Variants in FAM107B observed in about 807,000 individuals in gnomAD.
FAM107B encodes protein FAM107B.
A neutral mutation model predicts 31.5 loss-of-function variants in FAM107B; 21 were observed. The ratio of observed to expected loss-of-function variants is 0.67; its 90% CI spans 0.47 to 0.96. FAM107B has a LOEUF of 0.96. FAM107B is among the 40% of genes least tolerant of loss of function. FAM107B has a pLI of 0.00. For synonymous variants in FAM107B, 157 were observed against 141.5 expected (o/e 1.11, Z -0.78); for missense variants, 452 against 377.1 (o/e 1.20, Z -1.64).
intron 3 of FAM107B, among the ~76,000 whole-genome samples, chr10:14,528,210 T>A (rs1342064026): frequency 1.4e-5 from 2 of 141,528 alleles, no homozygotes; most frequent in African/African-American, 5.5e-5. Flanking sequence ...GAGACAGAGT[T>A]TTGCTCTGTC....
At position 14,724,688 on chromosome 10, in the gene FAM107B, G is replaced by GA. The variant is rs370850763; in HGVS notation, c.411+49564dup. On this transcript the variant is annotated intron_variant, in intron 1 of 4. Transcript: ENST00000181796. ...GCTTAGACCAGAACCATCCCAGAAG[G>GA]AAAAAAAAAAACAACACCTAAACAT... Among the ~76,000 whole-genome samples, 680 of 142,368 alleles carry GA rather than the reference G, an allele frequency of 4.8e-3. 14 individuals carry two copies. In the East Asian group the frequency reaches 0.05, roughly 11 times the overall value. 93.4% of individuals were successfully genotyped at this position (142,368 alleles called of 152,430 possible). A position where few individuals can be genotyped will look rare whatever the true frequency, so the allele number is the denominator to read the frequency against.
At chr10:14,692,220 G>A (rs1426883796) in intron 1 of FAM107B, among the ~76,000 whole-genome samples, 2 of 152,124 alleles carry the variant, frequency 1.3e-5, no homozygotes, top group Admixed American at 1.3e-4. Flanking sequence ...TGGAAAGAAA[G>A]GAGAAGGGAC....
rs937775551 is a variant in FAM107B, at chr10:14,519,696, T to A, written c.*1494A>T. ...AACTGCTAACACTAAAGCATTCCCA[T>A]AGAAAGCTAATTTCTACTGTGCTAA... On this transcript the variant is annotated 3_prime_UTR_variant, in exon 5 of 5. Transcript: ENST00000181796. 2.0e-5 allele frequency: 3 copies of A among 152,184 alleles called. No homozygotes were observed. The highest frequency in any genetic ancestry group is 7.2e-5 in the African/African-American group (3 of 41,450). 9.4% of individuals were successfully genotyped at this position (152,184 alleles called of 1,614,324 possible). A position where few individuals can be genotyped will look rare whatever the true frequency, so the allele number is the denominator to read the frequency against.
chr10:14,770,975 TAAAAAAAA>T (rs56378196), intron 1 of FAM107B, among the ~76,000 whole-genome samples: 3,867 of 59,132 alleles, frequency 0.065, 160 homozygotes, highest in African/African-American at 0.17. Context: ...GAGGCTGAAC[TAAAAAAAA>T]AAAAAAAAAA....
chr10:14,558,467 A>G (rs1172086577), intron 2 of FAM107B, among the ~76,000 whole-genome samples: 2 of 152,234 alleles, frequency 1.3e-5, no homozygotes, highest in African/African-American at 2.4e-5. Flanking sequence ...TAACTTATTC[A>G]CAAAGCACCG....
chr10:14,560,232 C>T (rs919465906), intron 2 of FAM107B, among the ~76,000 whole-genome samples: 1 of 151,856 alleles, frequency 6.6e-6, no homozygotes, highest in African/African-American at 2.4e-5. Flanking sequence ...TTTTCTTTCC[C>T]ATTTGGAACA....
chr10:14,642,256 C>G lies in FAM107B; in HGVS notation c.469+25378G>C, dbSNP rs1750147663. ...GGGTGGAAGCATCACTCCAATAGCT[C>G]CAGGCAGGGGCCCTGCCCCTGTGGT... is the stretch of plus-strand genomic sequence containing the variant. On this transcript the variant is annotated intron_variant, in intron 2 of 4. Transcript: ENST00000181796. Among the ~76,000 whole-genome samples, 5 of 152,224 alleles carry G rather than the reference C, an allele frequency of 3.3e-5. No homozygotes were observed. The South Asian group carries it at 1.0e-3, about 32-fold the overall frequency.
At chr10:14,607,108 C>T (rs1852613945) in intron 2 of FAM107B, among the ~76,000 whole-genome samples, 1 of 152,188 alleles carries the variant, frequency 6.6e-6, no homozygotes, top group African/African-American at 2.4e-5. Context: ...TGATAAGTGA[C>T]CACGGTCTTT....
At chr10:14,535,949 C>T (rs1196866256) in intron 2 of FAM107B, among the ~76,000 whole-genome samples, 2 of 152,144 alleles carry the variant, frequency 1.3e-5, no homozygotes, top group African/African-American at 2.4e-5. Context: ...AAGTTCACTC[C>T]GGGCCCAGCT....
chr10:14,750,504 C>T (rs1241713446), intron 1 of FAM107B, among the ~76,000 whole-genome samples: 1 of 152,060 alleles, frequency 6.6e-6, no homozygotes, highest in Non-Finnish European at 1.5e-5. Flanking sequence ...CCCAGCTACT[C>T]GGGAGCCTGA....
intron 1 of FAM107B, among the ~76,000 whole-genome samples, chr10:14,720,356 T>G (rs1316824797): frequency 6.6e-6 from 1 of 152,178 alleles, no homozygotes; most frequent in Non-Finnish European, 1.5e-5. Context: ...CGTGTTCAAG[T>G]GATTCTCCTG....
chr10:14,643,420 T>C (rs922609741), intron 2 of FAM107B, among the ~76,000 whole-genome samples: 3 of 151,764 alleles, frequency 2.0e-5, no homozygotes, highest in Non-Finnish European at 4.4e-5. Flanking sequence ...ATTTTTTTTT[T>C]TTTTTTTGAG....
chr10:14,683,457 G>T (rs1484575220), intron 1 of FAM107B, among the ~76,000 whole-genome samples: 3 of 152,212 alleles, frequency 2.0e-5, no homozygotes, highest in African/African-American at 4.8e-5. Context: ...TCGTTGCACG[G>T]TGGAAATTTC....
Position 14,751,827 on chromosome 10 carries a change from C to T in FAM107B, c.411+22426G>A, listed in dbSNP as rs575602522. 2.6e-4 allele frequency among the ~76,000 whole-genome samples: 39 copies of T among 152,062 alleles called. No individual in the cohort carries two copies. In the East Asian group the frequency reaches 3.1e-3, roughly 12 times the overall value. ...CCAGGCTGCTGAGAGAAGGTTGTAACGCACCGAGACTGAAGCCCAGGCCTG... is the reference window on the plus strand; with the variant it reads ...CCAGGCTGCTGAGAGAAGGTTGTAATGCACCGAGACTGAAGCCCAGGCCTG... On this transcript the variant is annotated intron_variant, in intron 1 of 4. Transcript: ENST00000181796.
intron 2 of FAM107B, among the ~76,000 whole-genome samples, chr10:14,631,085 CT>C (rs1853342963): frequency 6.6e-6 from 1 of 152,276 alleles, no homozygotes; most frequent in East Asian, 1.9e-4. Context: ...TTCTATTGTA[CT>C]GATCATTACA....
At chr10:14,601,238 C>T (rs1852386928) in intron 2 of FAM107B, among the ~76,000 whole-genome samples, 1 of 152,140 alleles carries the variant, frequency 6.6e-6, no homozygotes, top group East Asian at 1.9e-4. Context: ...AACTAAATGG[C>T]AATCTAATCC....
chr10:14,636,727 T>A (rs570447410), intron 2 of FAM107B, among the ~76,000 whole-genome samples: 7 of 152,236 alleles, frequency 4.6e-5, no homozygotes, highest in Non-Finnish European at 7.4e-5. Flanking sequence ...ATGAAGATAA[T>A]TCAGCCCATA....
In FAM107B at chr10:14,694,084, T is replaced by C. The variant is rs144070161; in HGVS notation, c.412-26393A>G. Among the ~76,000 whole-genome samples, 689 of 152,346 alleles carry C rather than the reference T, an allele frequency of 4.5e-3. 6 individuals are homozygous for C. The highest frequency in any genetic ancestry group is 0.014 in the Middle Eastern group (4 of 294). ...TAAGGCTGAATGATATTCCGCTGTA[T>C]GTATATACCACAGTTTCTTTATCCA... is the stretch of plus-strand genomic sequence containing the variant. On this transcript the variant is annotated intron_variant, in intron 1 of 4. Transcript: ENST00000181796.
At chr10:14,636,520 A>G (rs546117812) in intron 2 of FAM107B, among the ~76,000 whole-genome samples, 1 of 152,334 alleles carries the variant, frequency 6.6e-6, no homozygotes, top group East Asian at 1.9e-4. Context: ...CAAAGCACTG[A>G]ACACTACATC....
Sources: allele counts gnomAD v4.1 joint callset (sites outside exome capture counted in the v4.1 genomes callset), GRCh38; gene constraint gnomAD v4.1.1; transcripts MANE v1.5; gene names NCBI Gene and HGNC (gene_info 2026-07-23, HGNC 2026-07-21).